The following ATP11A variants were observed in gnomAD, a reference collection of about 807,000 sequenced individuals.
ATP11A encodes the protein ATPase phospholipid transporting 11A.
In ATP11A, 81 loss-of-function variants were observed where a neutral mutation model predicts 154.4. The ratio of observed to expected loss-of-function variants is 0.52; its 90% confidence interval spans 0.44 to 0.63. ATP11A has a LOEUF of 0.63. Among genes scored for constraint, ATP11A ranks in the 30% least tolerant of loss-of-function variants. ATP11A has a pLI of 0.00. For synonymous variants in ATP11A, 623 were observed against 585.9 expected (o/e 1.06, Z -0.91); for missense variants, 1,316 against 1,474.3 (o/e 0.89, Z 1.76).
At chr13:112,826,954 C>T in intron 12 of ATP11A, 63 bp downstream of exon 12, 1 of 1,548,894 alleles carries the variant, frequency 6.5e-7, no homozygotes, top group East Asian at 2.3e-5. Flanking sequence ...GCTTCACGTT[C>T]CTCAGGTCCT....
At chr13:112,880,849 G>A (rs950632340) in intron 29 of ATP11A, 2 of 1,116,620 alleles carry the variant, frequency 1.8e-6, no homozygotes, top group Non-Finnish European at 2.2e-6. Context: ...GGAACATGCT[G>A]TGCACACACA....
rs79977958 is a variant in ATP11A, at chr13:112,708,791, C to T, written c.39+18336C>T. On this transcript the variant is annotated intron_variant, in intron 1 of 29. Transcript: ENST00000375645. The stretch of plus-strand genomic sequence containing the variant: ...TGCCCGACAAGCCTGTAGCTTTGGT[C>T]GTCTTCCAACGAGTGGCTCTCCCGC... 8.9e-3 allele frequency among the ~76,000 whole-genome samples: 1,348 copies of T among 152,204 alleles called. 25 individuals are homozygous for T. The highest frequency in any genetic ancestry group is 0.03 in the African/African-American group (1,258 of 41,542).
At chr13:112,704,296 A>G (rs1291371376) in intron 1 of ATP11A, among the ~76,000 whole-genome samples, 1 of 152,226 alleles carries the variant, frequency 6.6e-6, no homozygotes, top group African/African-American at 2.4e-5. Flanking sequence ...AGGTGATTGT[A>G]GGTTGTGACT....
At position 112,710,541 on chromosome 13, in the gene ATP11A, C is replaced by T. The variant is rs933777600; in HGVS notation, c.39+20086C>T. Among the ~76,000 whole-genome samples, 108 of 152,192 alleles carry T rather than the reference C, an allele frequency of 7.1e-4. 2 individuals carry two copies. Among genetic ancestry groups the T allele is most frequent in the Non-Finnish European group, 9.0e-4 (61 of 68,036 alleles). On this transcript the variant is annotated intron_variant, in intron 1 of 29. Transcript: ENST00000375645. ...ACGTTAACAGGAAGGAAGGAGCCTG[C>T]GGGAGAAGACAGGGCTCCAGGAGGC... is the stretch of plus-strand genomic sequence containing the variant.
chr13:112,778,139 T>G (rs887776684), intron 1 of ATP11A, among the ~76,000 whole-genome samples: 1 of 152,254 alleles, frequency 6.6e-6, no homozygotes, highest in African/African-American at 2.4e-5. Context: ...ACATACCTTT[T>G]GCAAAAATGT....
At chr13:112,729,790 C>G (rs753143740) in intron 1 of ATP11A, among the ~76,000 whole-genome samples, 1 of 152,236 alleles carries the variant, frequency 6.6e-6, no homozygotes, top group Non-Finnish European at 1.5e-5. Flanking sequence ...GTGATGCTGG[C>G]CCCTCAGCTT....
At chr13:112,718,974 C>T (rs1348361941) in intron 1 of ATP11A, among the ~76,000 whole-genome samples, 2 of 152,254 alleles carry the variant, frequency 1.3e-5, no homozygotes, top group Non-Finnish European at 2.9e-5. Flanking sequence ...GCCACTGCAC[C>T]TGGCCTGCTT....
chr13:112,768,942 G>T (rs2077162659), intron 1 of ATP11A, among the ~76,000 whole-genome samples: 1 of 152,202 alleles, frequency 6.6e-6, no homozygotes, highest in African/African-American at 2.4e-5. Flanking sequence ...GTCTTCACCT[G>T]CAGTTCACTT....
chr13:112,736,439 C>A (rs990584076), intron 1 of ATP11A, among the ~76,000 whole-genome samples: 11 of 152,138 alleles, frequency 7.2e-5, no homozygotes, highest in African/African-American at 2.4e-4. Context: ...TTTCCTCCTG[C>A]GGTAGCATCT....
At chr13:112,842,564 C>T (rs1381114561) in intron 17 of ATP11A, among the ~76,000 whole-genome samples, 185 bp downstream of exon 17, 3 of 152,242 alleles carry the variant, frequency 2.0e-5, no homozygotes, top group Non-Finnish European at 2.9e-5. Context: ...AGGGGGCCTC[C>T]GATACCCAGC....
intron 2 of ATP11A, among the ~76,000 whole-genome samples, chr13:112,803,173 T>C (rs2078184355): frequency 2.6e-5 from 4 of 152,254 alleles, no homozygotes; most frequent in Admixed American, 2.0e-4. Context: ...ATTCCTTATA[T>C]ACTCTCTAAG....
At chr13:112,792,326 GA>G (rs34777567) in intron 2 of ATP11A, among the ~76,000 whole-genome samples, 2 of 150,400 alleles carry the variant, frequency 1.3e-5, no homozygotes, top group South Asian at 2.1e-4. Context: ...CAGGATGTGT[GA>G]AAAAAAAATG....
chr13:112,881,298 C>T, intron 29 of ATP11A: 1 of 998,882 alleles, frequency 1.0e-6, no homozygotes, highest in Non-Finnish European at 1.2e-6. Context: ...CCATGCAGGC[C>T]CCATCCGTAT....
chr13:112,862,623 C>G (rs750169699), intron 25 of ATP11A, 48 bp downstream of exon 25: 4 of 1,610,478 alleles, frequency 2.5e-6, no homozygotes, highest in Non-Finnish European at 8.5e-7. Flanking sequence ...AGGAATAAAG[C>G]CTCCCAAGCC....
chr13:112,857,219 G>A (rs2079955863), intron 20 of ATP11A, among the ~76,000 whole-genome samples: 1 of 152,104 alleles, frequency 6.6e-6, no homozygotes, highest in African/African-American at 2.4e-5. Flanking sequence ...AGCTTGAACT[G>A]TTACATTTAG....
chr13:112,713,914 CT>C (rs751842818), intron 1 of ATP11A, among the ~76,000 whole-genome samples: 2 of 144,374 alleles, frequency 1.4e-5, no homozygotes, highest in Non-Finnish European at 3.1e-5. Flanking sequence ...CCTCCCACCC[CT>C]GATCCCAGCC....
chr13:112,774,383 G>A (rs2077296619), intron 1 of ATP11A, among the ~76,000 whole-genome samples: 1 of 152,170 alleles, frequency 6.6e-6, no homozygotes, highest in Admixed American at 6.5e-5. Context: ...CCTGGGTGAC[G>A]CCCTTGAGAA....
At chr13:112,711,911 G>A (rs1012596665) in intron 1 of ATP11A, among the ~76,000 whole-genome samples, 2 of 152,206 alleles carry the variant, frequency 1.3e-5, no homozygotes, top group Non-Finnish European at 1.5e-5. Context: ...GGAGCACATA[G>A]ATAAGGAGCG....
chr13:112,869,710 A>G (rs1307336999), intron 25 of ATP11A, among the ~76,000 whole-genome samples: 1 of 152,194 alleles, frequency 6.6e-6, no homozygotes, highest in Non-Finnish European at 1.5e-5. Context: ...CTGTGGAGGC[A>G]CCACTTGGCT....
Sources: gnomAD v4.1 joint callset for allele counts (sites outside exome capture counted in the v4.1 genomes callset) on GRCh38, gnomAD v4.1.1 for gene constraint, MANE v1.5 for transcripts, NCBI Gene and HGNC (gene_info 2026-07-23, HGNC 2026-07-21) for gene names.